The following ADAMTSL1 variants were observed in gnomAD, a reference collection of about 807,000 sequenced individuals.
ADAMTSL1 encodes ADAMTS-like protein 1.
In ADAMTSL1, 126 loss-of-function variants were observed where a neutral mutation model predicts 201.8. That is an observed-to-expected ratio of 0.62 (90% CI 0.54 to 0.72). The LOEUF is 0.72. ADAMTSL1 is among the 30% of genes least tolerant of loss of function. The pLI is 0.00. For synonymous variants in ADAMTSL1, 1,121 were observed against 903.4 expected (o/e 1.24, Z -4.32); for missense variants, 2,679 against 2,277.8 (o/e 1.18, Z -3.59).
chr9:18,890,653 C>T, intron 25 of ADAMTSL1: 1 of 455,578 alleles, frequency 2.2e-6, no homozygotes, highest in South Asian at 1.6e-5. Flanking sequence ...AAGGTTTCCA[C>T]AGGAATGATT....
chr9:18,314,749 C>T (rs991556998), intron 2 of ADAMTSL1, among the ~76,000 whole-genome samples: 1 of 144,382 alleles, frequency 6.9e-6, no homozygotes, highest in Non-Finnish European at 1.5e-5. Context: ...AAGGGGACCC[C>T]AGTGGGTTGC....
intron 2 of ADAMTSL1, among the ~76,000 whole-genome samples, chr9:18,283,474 T>C: frequency 6.6e-6 from 1 of 151,588 alleles, no homozygotes; most frequent in African/African-American, 2.4e-5. Context: ...AGTATGATGG[T>C]ACACACCTGT....
intron 17 of ADAMTSL1, among the ~76,000 whole-genome samples, chr9:18,772,547 C>A (rs1438056632): frequency 6.6e-6 from 1 of 152,144 alleles, no homozygotes; most frequent in Non-Finnish European, 1.5e-5. Flanking sequence ...CACTTACTGG[C>A]TGTATAACCT....
At chr9:18,716,971 A>G (rs1387365892) in intron 14 of ADAMTSL1, among the ~76,000 whole-genome samples, 1 of 134,584 alleles carries the variant, frequency 7.4e-6, no homozygotes, top group East Asian at 2.1e-4. Context: ...CATCATTCTC[A>G]GTAAACTATC....
chr9:18,559,282 G>A (rs1821317695), intron 3 of ADAMTSL1, among the ~76,000 whole-genome samples: 2 of 152,142 alleles, frequency 1.3e-5, no homozygotes, highest in Admixed American at 6.5e-5. Context: ...ACTATTGCTT[G>A]TTTTTGTCAG....
chr9:18,472,193 G>A (rs546262544), upstream of ADAMTSL1, among the ~76,000 whole-genome samples: 3 of 152,306 alleles, frequency 2.0e-5, no homozygotes, highest in East Asian at 3.9e-4. Flanking sequence ...GTGTAACAGA[G>A]AGACACATGT....
intron 1 of ADAMTSL1, among the ~76,000 whole-genome samples, chr9:17,998,933 T>A (rs561663018): frequency 6.6e-6 from 1 of 151,982 alleles, no homozygotes. Context: ...ATCAAGTCAA[T>A]GTAATTCATT....
intron 2 of ADAMTSL1, among the ~76,000 whole-genome samples, chr9:18,313,396 C>G (rs1367696298): frequency 6.6e-6 from 1 of 152,118 alleles, no homozygotes; most frequent in African/African-American, 2.4e-5. Flanking sequence ...TTATTTCTAA[C>G]AATTTATTTT....
intron 2 of ADAMTSL1, among the ~76,000 whole-genome samples, chr9:18,399,742 A>C (rs76944448): frequency 0.027 from 4,125 of 152,266 alleles, 176 homozygotes; most frequent in African/African-American, 0.092. Flanking sequence ...CTATAGGAAA[A>C]CATAAAAAAG....
chr9:18,696,881 T>TATTATTATTATTATTATG (rs1831587282), intron 13 of ADAMTSL1, among the ~76,000 whole-genome samples: 8 of 148,814 alleles, frequency 5.4e-5, no homozygotes, highest in Non-Finnish European at 1.0e-4. Flanking sequence ...TTATTATTAT[T>TATTATTATTATTATTATG]ATTATTATTA....
intron 2 of ADAMTSL1, among the ~76,000 whole-genome samples, chr9:18,363,671 T>C (rs1411171331): frequency 1.3e-5 from 2 of 152,182 alleles, no homozygotes; most frequent in African/African-American, 2.4e-5. Flanking sequence ...GAGTCCATGA[T>C]ATATAAAGGC....
chr9:18,588,482 T>C (rs1461831331), intron 4 of ADAMTSL1, among the ~76,000 whole-genome samples: 3 of 152,166 alleles, frequency 2.0e-5, no homozygotes, highest in Non-Finnish European at 4.4e-5. Context: ...TGTGTCTGTT[T>C]TTGCTTTTGT....
chr9:18,004,812 C>G (rs1450147590), intron 1 of ADAMTSL1, among the ~76,000 whole-genome samples: 2 of 151,996 alleles, frequency 1.3e-5, no homozygotes, highest in African/African-American at 2.4e-5. Context: ...GACAGCAGAG[C>G]TCACAAAAGC....
chr9:18,383,253 T>C (rs974308278), intron 2 of ADAMTSL1, among the ~76,000 whole-genome samples: 1 of 152,162 alleles, frequency 6.6e-6, no homozygotes, highest in African/African-American at 2.4e-5. Flanking sequence ...CTATTGTCTT[T>C]CCCTGACTCT....
intron 1 of ADAMTSL1, among the ~76,000 whole-genome samples, chr9:18,114,764 T>C (rs540453034): frequency 1.3e-5 from 2 of 151,782 alleles, no homozygotes; most frequent in Non-Finnish European, 2.9e-5. Context: ...AAGCTTAGAG[T>C]GTAAGTGGAA....
intron 1 of ADAMTSL1, among the ~76,000 whole-genome samples, chr9:18,132,720 C>G (rs1006559529): frequency 6.6e-6 from 1 of 152,114 alleles, no homozygotes; most frequent in African/African-American, 2.4e-5. Context: ...CCCCCTTTCA[C>G]TCCATGCTCA....
chr9:18,581,628 C>G (rs1317455150), intron 4 of ADAMTSL1, among the ~76,000 whole-genome samples: 1 of 152,168 alleles, frequency 6.6e-6, no homozygotes, highest in East Asian at 1.9e-4. Context: ...TTGTCTCCAT[C>G]TGTGCACATT....
intron 2 of ADAMTSL1, among the ~76,000 whole-genome samples, chr9:18,505,239 A>AAAGGAGTATTAT (rs1823063018): frequency 6.6e-6 from 1 of 152,168 alleles, no homozygotes; most frequent in African/African-American, 2.4e-5. Flanking sequence ...TCATGTTAGG[A>AAAGGAGTATTAT]CTGGAAGGAG....
At chr9:18,253,816 C>G (rs974871293) in intron 2 of ADAMTSL1, among the ~76,000 whole-genome samples, 1 of 152,178 alleles carries the variant, frequency 6.6e-6, no homozygotes, top group Non-Finnish European at 1.5e-5. Context: ...CCACTAGAAT[C>G]TTAGCTTCAC....
Sources: gnomAD v4.1 joint callset for allele counts (sites outside exome capture counted in the v4.1 genomes callset) on GRCh38, gnomAD v4.1.1 for gene constraint, MANE v1.5 for transcripts, NCBI Gene and HGNC (gene_info 2026-07-23, HGNC 2026-07-21) for gene names.